GABPB2: variants seen among roughly 807,000 people sequenced by gnomAD.
The protein encoded by GABPB2 is GA binding protein transcription factor subunit beta 2, also known as GA-binding protein subunit beta-2.
A neutral mutation model predicts 39.1 loss-of-function variants in GABPB2; 23 were observed. The ratio of observed to expected loss-of-function variants is 0.59; its 90% CI spans 0.42 to 0.83. The LOEUF (loss-of-function observed/expected upper bound fraction) is 0.83, where lower values mean the gene tolerates loss of function less well. Among genes scored for constraint, GABPB2 ranks in the 40% least tolerant of loss-of-function variants. The pLI is 0.00. For synonymous variants in GABPB2, 184 were observed against 199.3 expected (o/e 0.92, Z 0.65); for missense variants, 467 against 541.1 (o/e 0.86, Z 1.36).
At chr1:151,109,353 T>TACACAAAC (rs370718064) in intron 7 of GABPB2, among the ~76,000 whole-genome samples, 1 of 115,354 alleles carries the variant, frequency 8.7e-6, no homozygotes, top group African/African-American at 3.4e-5. Flanking sequence ...AATATATATA[T>TACACAAAC]ATATATATAT....
chr1:151,122,126 A>C lies in GABPB2; in HGVS notation c.*3870A>C, dbSNP rs1316675752. ...ACTGAAAATTTAACTCCCCAAACCA[A>C]ATTTAACAAACAGAATTGGTTATTA... On this transcript the variant is annotated 3_prime_UTR_variant, in exon 9 of 9. Transcript: ENST00000368918. 6.6e-6 allele frequency: 1 copy of C among 152,152 alleles called. No individual in the cohort carries two copies. Among genetic ancestry groups the C allele is most frequent in the African/African-American group, 2.4e-5 (1 of 41,448 alleles). The allele number at this position is 152,152 out of a possible 1,614,324, so 9.4% of individuals were successfully genotyped here.
intron 7 of GABPB2, chr1:151,112,641 G>A (rs992344494): frequency 1.1e-4 from 19 of 176,698 alleles, no homozygotes; most frequent in Admixed American, 2.2e-4. Context: ...GCACCTGGCC[G>A]ACTATGCTGG....
intron 1 of GABPB2, among the ~76,000 whole-genome samples, chr1:151,077,154 T>A (rs1677236302): frequency 6.6e-6 from 1 of 152,072 alleles, no homozygotes; most frequent in Non-Finnish European, 1.5e-5. Flanking sequence ...AGAACTTTGT[T>A]CCGTAAAAGG....
At chr1:151,093,466 A>G in intron 4 of GABPB2, 80 bp downstream of exon 4, 1 of 1,069,492 alleles carries the variant, frequency 9.4e-7, no homozygotes, top group Non-Finnish European at 1.3e-6. Flanking sequence ...TCAAAACTGA[A>G]TTTTCCCTAT....
chr1:151,092,168 G>C (rs746656447), intron 3 of GABPB2, among the ~76,000 whole-genome samples: 1 of 134,288 alleles, frequency 7.4e-6, no homozygotes, highest in Middle Eastern at 5.0e-3. Flanking sequence ...GTGCAGTGGC[G>C]CAATACTGGC....
intron 4 of GABPB2, among the ~76,000 whole-genome samples, chr1:151,093,829 C>T (rs1472444031): frequency 6.6e-6 from 1 of 151,750 alleles, no homozygotes; most frequent in Non-Finnish European, 1.5e-5. Context: ...TATACAGATG[C>T]TCCTTGACTT....
chr1:151,103,044 C>CTTTTTTTTTTTTTT (rs376522230), intron 5 of GABPB2, among the ~76,000 whole-genome samples: 1 of 88,240 alleles, frequency 1.1e-5, no homozygotes, highest in Non-Finnish European at 2.1e-5. Flanking sequence ...ACAAAGTATA[C>CTTTTTTTTTTTTTT]TTTTTTTTTT....
At chr1:151,083,790 G>C (rs1677922791) in intron 1 of GABPB2, among the ~76,000 whole-genome samples, 1 of 150,778 alleles carries the variant, frequency 6.6e-6, no homozygotes, top group Non-Finnish European at 1.5e-5. Context: ...CACCCAGATT[G>C]AAGTGCCTTG....
chr1:151,119,390 C>T lies in GABPB2; in HGVS notation c.*1134C>T, dbSNP rs145376937. The T allele has an allele frequency of 8.5e-3, 1,292 of 152,388 alleles. 5 individuals are homozygous for T. Among genetic ancestry groups the T allele is most frequent in the Non-Finnish European group, 0.015 (995 of 68,134 alleles). 9.4% of individuals were successfully genotyped at this position (152,388 alleles called of 1,614,324 possible). A position where few individuals can be genotyped will look rare whatever the true frequency, so the allele number is the denominator to read the frequency against. On this transcript the variant is annotated 3_prime_UTR_variant, in exon 9 of 9. Coordinates refer to ENST00000368918, the MANE Select transcript of GABPB2 (RefSeq NM_144618.3). ...TTGGGAGGCCGAGGCGGGCGGATCA[C>T]GAGGTCAGATCAAGAACATCCTGGC...
At position 151,084,316 on chromosome 1, in the gene GABPB2, G is replaced by A. The variant is rs994557533; in HGVS notation, c.1-3874G>A. On this transcript the variant is annotated intron_variant, in intron 1 of 8. Transcript: ENST00000368918. ...CTCGGCTCACCGCAACCTCCCTCCC[G>A]GTTCAAGTGATTCTCCTGCCTCAGC... Among the ~76,000 whole-genome samples, 7 of 149,578 alleles carry A rather than the reference G, an allele frequency of 4.7e-5. No homozygotes were observed. The Admixed American group carries it at 4.7e-4, about 10-fold the overall frequency.
chr1:151,114,399 G>A (rs1354818427), intron 7 of GABPB2, among the ~76,000 whole-genome samples: 2 of 151,844 alleles, frequency 1.3e-5, no homozygotes, highest in Non-Finnish European at 2.9e-5. Flanking sequence ...TTGTTTACAG[G>A]TTCTTATGGG....
intron 3 of GABPB2, among the ~76,000 whole-genome samples, chr1:151,091,200 G>A (rs1413853843): frequency 2.1e-5 from 3 of 145,528 alleles, no homozygotes; most frequent in East Asian, 4.5e-4. Flanking sequence ...TGATTCTCCT[G>A]CCTCAGCCTC....
intron 3 of GABPB2, among the ~76,000 whole-genome samples, chr1:151,092,039 C>T (rs113966764): frequency 0.058 from 8,766 of 151,200 alleles, 265 homozygotes; most frequent in Middle Eastern, 0.13. Context: ...TCAAGCAATT[C>T]TCCTGCCTCA....
At chr1:151,103,787 C>G (rs1679727219) in intron 6 of GABPB2, 112 bp downstream of exon 6, 2 of 713,522 alleles carry the variant, frequency 2.8e-6, no homozygotes, top group Admixed American at 2.7e-5. Context: ...TAATTAGAGG[C>G]AGCTAAGGAA....
At chr1:151,112,663 A>T (rs1331781906) in intron 7 of GABPB2, 2 of 199,178 alleles carry the variant, frequency 1.0e-5, no homozygotes, top group Non-Finnish European at 2.2e-5. Context: ...TTGAGCAGAC[A>T]TGACAAGAGC....
intron 1 of GABPB2, among the ~76,000 whole-genome samples, chr1:151,076,330 G>T (rs1269838798): frequency 6.6e-6 from 1 of 152,152 alleles, no homozygotes; most frequent in East Asian, 1.9e-4. Flanking sequence ...TTTGTTTCTT[G>T]TGAGCAGCAG....
rs1198578205 is a variant in GABPB2 at position 151,124,184 on chromosome 1, CAG to C, written c.*5931_*5932del. ...TTTCTTTTCTTTTTTTTTTTTTAAA[CAG>C]AGTCTCTCTCTGTCACCCAGGCTGG... On this transcript the variant is annotated 3_prime_UTR_variant, in exon 9 of 9. Coordinates refer to ENST00000368918, the MANE Select transcript of GABPB2 (RefSeq NM_144618.3). 1 of 134,276 alleles carries C rather than the reference CAG, an allele frequency of 7.4e-6. No homozygotes were observed. Among genetic ancestry groups the C allele is most frequent in the Non-Finnish European group, 1.6e-5 (1 of 64,150 alleles). The allele number at this position is 134,276 out of a possible 1,614,324, so 8.3% of individuals were successfully genotyped here.
rs1381302547 is a variant in GABPB2, at chr1:151,119,807, G to C, written c.*1551G>C. On this transcript the variant is annotated 3_prime_UTR_variant, in exon 9 of 9. Transcript: ENST00000368918. ...GTGGTGGCACCTGCCTGTAATCCCA[G>C]CTACTTGGGAGGCTGAGGCAGGAGA... 3.9e-5 allele frequency: 6 copies of C among 152,824 alleles called. No individual in the cohort carries two copies. Among genetic ancestry groups the C allele is most frequent in the African/African-American group, 1.4e-4 (6 of 41,500 alleles). The allele number at this position is 152,824 out of a possible 1,614,324, so 9.5% of individuals were successfully genotyped here.
Position 151,121,929 on chromosome 1 carries a change from A to G in GABPB2, c.*3673A>G, listed in dbSNP as rs1020665788. ...AAACCAGAGGGAGATGTGCCAAGTA[A>G]ACATTCGAATGACTGTTTAGAATAT... On this transcript the variant is annotated 3_prime_UTR_variant, in exon 9 of 9. Coordinates refer to ENST00000368918, the MANE Select transcript of GABPB2 (RefSeq NM_144618.3). 5 of 152,194 alleles carry G rather than the reference A, an allele frequency of 3.3e-5. No homozygotes were observed. The highest frequency in any genetic ancestry group is 7.3e-5 in the Non-Finnish European group (5 of 68,030). The allele number at this position is 152,194 out of a possible 1,614,324, so 9.4% of individuals were successfully genotyped here.
Sources: gnomAD v4.1 joint callset for allele counts (sites outside exome capture counted in the v4.1 genomes callset) on GRCh38, gnomAD v4.1.1 for gene constraint, MANE v1.5 for transcripts, NCBI Gene and HGNC (gene_info 2026-07-23, HGNC 2026-07-21) for gene names.